Variants in BMP5 observed in about 807,000 individuals in gnomAD.
BMP5 encodes the protein bone morphogenetic protein 5.
BMP5 carries 23 observed loss-of-function variants against 46.6 expected under a neutral mutation model. The ratio of observed to expected loss-of-function variants is 0.49; its 90% CI spans 0.35 to 0.70. BMP5 has a LOEUF of 0.70. BMP5 is among the 30% of genes least tolerant of loss of function. The probability of loss-of-function intolerance (pLI) is 0.00; values close to 1 mark genes in which losing one functional copy is unlikely to be tolerated. For synonymous variants in BMP5, 204 were observed against 191.9 expected, an observed-to-expected ratio of 1.06 and a Z score of -0.52; for missense variants, 545 against 565.6, an observed-to-expected ratio of 0.96 and a Z score of 0.37.
intron 3 of BMP5, among the ~76,000 whole-genome samples, chr6:55,785,651 A>G (rs1775428726): frequency 6.6e-6 from 1 of 151,774 alleles, no homozygotes; most frequent in African/African-American, 2.4e-5. Context: ...AGGAATTCTC[A>G]ATGACACTTT....
At chr6:55,857,144 A>C (rs1389956797) in intron 1 of BMP5, among the ~76,000 whole-genome samples, 2 of 152,156 alleles carry the variant, frequency 1.3e-5, no homozygotes, top group Admixed American at 6.6e-5. Context: ...TGCAGTCCTG[A>C]TATACCTTAT....
intron 3 of BMP5, among the ~76,000 whole-genome samples, chr6:55,774,833 C>A (rs186395181): frequency 6.6e-6 from 1 of 151,940 alleles, no homozygotes; most frequent in Non-Finnish European, 1.5e-5. Context: ...CTGCTTTAAG[C>A]CGCAGTTATT....
chr6:55,799,092 G>C (rs1205342966), intron 2 of BMP5, among the ~76,000 whole-genome samples: 2 of 152,146 alleles, frequency 1.3e-5, no homozygotes, highest in Non-Finnish European at 2.9e-5. Context: ...AGATCAGACA[G>C]ATCTTGAACA....
intron 1 of BMP5, among the ~76,000 whole-genome samples, chr6:55,820,763 A>AT (rs1204501077): frequency 2.6e-5 from 4 of 151,766 alleles, no homozygotes; most frequent in Admixed American, 1.3e-4. Flanking sequence ...CTTTTAAAGC[A>AT]TTTTTTATAA....
chr6:55,775,289 C>T (rs544485428), intron 3 of BMP5, among the ~76,000 whole-genome samples: 2 of 151,954 alleles, frequency 1.3e-5, no homozygotes, highest in East Asian at 3.9e-4. Flanking sequence ...AAGTAGTTTC[C>T]ATGCATTATT....
At chr6:55,860,632 G>C (rs1423780138) in intron 1 of BMP5, among the ~76,000 whole-genome samples, 1 of 152,148 alleles carries the variant, frequency 6.6e-6, no homozygotes, top group African/African-American at 2.4e-5. Flanking sequence ...AGAAGCAGCA[G>C]GTGATGTCTT....
intron 1 of BMP5, among the ~76,000 whole-genome samples, chr6:55,871,452 G>A (rs1011194384): frequency 9.2e-5 from 14 of 151,666 alleles, no homozygotes; most frequent in Non-Finnish European, 1.0e-4. Flanking sequence ...CAAAATAAAC[G>A]AGTCACTAAA....
In BMP5 at chr6:55,768,854, A is replaced by G. The variant is rs539252928; in HGVS notation, c.1027+5195T>C. Among the ~76,000 whole-genome samples, 32 of 152,110 alleles carry G rather than the reference A, an allele frequency of 2.1e-4. No individual in the cohort carries two copies. The South Asian group carries it at 6.6e-3, about 32-fold the overall frequency. Reference sequence around the variant, plus strand: ...GTTCCAGACCACTGCAATGAAGTGAACGTCACAATAAAGTGAGTGTCACAA... The same window carrying G: ...GTTCCAGACCACTGCAATGAAGTGAGCGTCACAATAAAGTGAGTGTCACAA... On this transcript the variant is annotated intron_variant, in intron 4 of 6. Transcript: ENST00000370830.
At chr6:55,818,466 A>T (rs1183667595) in intron 2 of BMP5, among the ~76,000 whole-genome samples, 3 of 152,152 alleles carry the variant, frequency 2.0e-5, no homozygotes, top group Non-Finnish European at 4.4e-5. Flanking sequence ...ATAAACTATT[A>T]GTCTCAAACT....
At chr6:55,822,639 A>T (rs765926301) in intron 1 of BMP5, among the ~76,000 whole-genome samples, 1 of 152,182 alleles carries the variant, frequency 6.6e-6, no homozygotes, top group Non-Finnish European at 1.5e-5. Context: ...CTAAGACATG[A>T]GTTTGCTAGG....
intron 4 of BMP5, among the ~76,000 whole-genome samples, chr6:55,763,999 G>A (rs1489485260): frequency 6.6e-6 from 1 of 152,064 alleles, no homozygotes; most frequent in African/African-American, 2.4e-5. Context: ...AATATGATAA[G>A]AAGAACACTA....
At chr6:55,830,992 C>G (rs758815994) in intron 1 of BMP5, among the ~76,000 whole-genome samples, 5 of 151,848 alleles carry the variant, frequency 3.3e-5, no homozygotes, top group Non-Finnish European at 7.4e-5. Context: ...GAAGGGAAAA[C>G]AGAGGGTTCT....
intron 2 of BMP5, among the ~76,000 whole-genome samples, chr6:55,818,283 C>A (rs1776325316): frequency 6.6e-6 from 1 of 151,362 alleles, no homozygotes; most frequent in Admixed American, 6.6e-5. Flanking sequence ...ACCTAATTTG[C>A]AAAGCCACTC....
At position 55,758,999 on chromosome 6, in the gene BMP5, G is replaced by A; in HGVS notation, c.1215+6C>T. On this transcript the variant is annotated splice_donor_region_variant and intron_variant, in intron 6 of 6. Coordinates refer to ENST00000370830, the MANE Select transcript of BMP5 (RefSeq NM_021073.4). ...CTTTTCTTAATCCTTCAAAAACAAAGCTTACCAGAGTCTGAACTATAGCGT... is the reference window on the plus strand; with the variant it reads ...CTTTTCTTAATCCTTCAAAAACAAAACTTACCAGAGTCTGAACTATAGCGT... 6.4e-7 allele frequency: 1 copy of A among 1,573,814 alleles called. No homozygotes were observed. The highest frequency in any genetic ancestry group is 8.7e-7 in the Non-Finnish European group (1 of 1,144,264).
At chr6:55,834,279 G>A (rs891368630) in intron 1 of BMP5, among the ~76,000 whole-genome samples, 2 of 152,126 alleles carry the variant, frequency 1.3e-5, no homozygotes, top group Non-Finnish European at 2.9e-5. Context: ...TTTACTAACA[G>A]AAACTTCCTT....
intron 4 of BMP5, among the ~76,000 whole-genome samples, chr6:55,771,121 A>G (rs937933756): frequency 2.0e-4 from 30 of 151,882 alleles, no homozygotes; most frequent in Non-Finnish European, 8.8e-5. Flanking sequence ...TGTAAAAAAC[A>G]CATTATCTTT....
Position 55,793,010 on chromosome 6 carries a change from T to C in BMP5, c.832+1269A>G, listed in dbSNP as rs532626507. The stretch of plus-strand genomic sequence containing the variant: ...CAGCACAATGTAGATCTCCATGATG[T>C]TTTTTATAAATATTTAAAATTAAAT... On this transcript the variant is annotated intron_variant, in intron 3 of 6. Coordinates refer to ENST00000370830, the MANE Select transcript of BMP5 (RefSeq NM_021073.4). Among the ~76,000 whole-genome samples the C allele has an allele frequency of 4.0e-5, 6 of 151,576 alleles. No individual in the cohort carries two copies. In the South Asian group the frequency reaches 1.3e-3, roughly 32 times the overall value.
intron 2 of BMP5, among the ~76,000 whole-genome samples, chr6:55,804,043 C>T (rs1775924848): frequency 6.6e-6 from 1 of 152,148 alleles, no homozygotes; most frequent in Non-Finnish European, 1.5e-5. Context: ...TATCTTATTC[C>T]TTATGACTCA....
intron 1 of BMP5, among the ~76,000 whole-genome samples, chr6:55,869,237 G>A (rs577219644): frequency 4.5e-4 from 69 of 152,206 alleles, no homozygotes; most frequent in African/African-American, 1.6e-3. Context: ...TTTTCCCCTC[G>A]AGCTGATGTG....
Sources: gnomAD v4.1 joint callset for allele counts (sites outside exome capture counted in the v4.1 genomes callset) on GRCh38, gnomAD v4.1.1 for gene constraint, MANE v1.5 for transcripts, NCBI Gene and HGNC (gene_info 2026-07-23, HGNC 2026-07-21) for gene names.